The following VCF1 variants were observed in gnomAD, a reference collection of about 807,000 sequenced individuals.
VCF1 encodes protein VCF1.
At chr17:73,217,536 G>C in the VCF1 span, among the ~76,000 whole-genome samples, 1 of 152,068 alleles carries the variant, frequency 6.6e-6, no homozygotes, top group Non-Finnish European at 1.5e-5. Context: ...TGCAGTCCCA[G>C]CTACTCGGGA....
the VCF1 span, among the ~76,000 whole-genome samples, chr17:73,222,487 C>T: frequency 6.6e-6 from 1 of 151,836 alleles, no homozygotes; most frequent in African/African-American, 2.4e-5. Context: ...TGACTCAAAA[C>T]AAAACTAGGG....
chr17:73,212,407 G>A, the VCF1 span, among the ~76,000 whole-genome samples: 3,863 of 152,162 alleles, frequency 0.025, 179 homozygotes, highest in African/African-American at 0.088. Flanking sequence ...ACAGGTAGCA[G>A]GGGACAACCC....
At chr17:73,218,712 C>T in the VCF1 span, among the ~76,000 whole-genome samples, 2 of 151,894 alleles carry the variant, frequency 1.3e-5, no homozygotes, top group Non-Finnish European at 2.9e-5. Flanking sequence ...TGGAGAAACC[C>T]CGTCTCTACT....
the VCF1 span, among the ~76,000 whole-genome samples, chr17:73,228,075 A>G: frequency 6.6e-6 from 1 of 152,256 alleles, no homozygotes; most frequent in African/African-American, 2.4e-5. Flanking sequence ...ACTAAAATTA[A>G]CCATCCAGTT....
At chr17:73,221,354 G>A in the VCF1 span, among the ~76,000 whole-genome samples, 1 of 151,364 alleles carries the variant, frequency 6.6e-6, no homozygotes, top group Non-Finnish European at 1.5e-5. Context: ...TATTAAAACT[G>A]AAAGTAAAGA....
chr17:73,208,689 A>C, the VCF1 span: 1 of 558,434 alleles, frequency 1.8e-6, no homozygotes, highest in Non-Finnish European at 3.2e-6. Flanking sequence ...AGCGTTCAAC[A>C]ACACCTTAAT....
At chr17:73,208,132 C>G in the VCF1 span, 94 of 1,484,854 alleles carry the variant, frequency 6.3e-5, no homozygotes, top group Non-Finnish European at 7.7e-5. Flanking sequence ...GTCACAAAGG[C>G]TCATGCTGTT....
the VCF1 span, among the ~76,000 whole-genome samples, chr17:73,221,173 A>C: frequency 2.6e-5 from 3 of 114,564 alleles, no homozygotes; most frequent in Admixed American, 1.0e-4. Context: ...CTGGGATTGC[A>C]GGCATGAGCC....
At chr17:73,226,446 GAGGCT>G in the VCF1 span, among the ~76,000 whole-genome samples, 1 of 152,226 alleles carries the variant, frequency 6.6e-6, no homozygotes, top group African/African-American at 2.4e-5. Context: ...TGTGAGTTAT[GAGGCT>G]AGGGCTCTTT....
At chr17:73,209,781 A>G in the VCF1 span, 1 of 1,539,018 alleles carries the variant, frequency 6.5e-7, no homozygotes, top group Non-Finnish European at 8.7e-7. Flanking sequence ...GGAAGGAAGA[A>G]GAAAGAAACA....
chr17:73,230,287 C>T, the VCF1 span, among the ~76,000 whole-genome samples: 1 of 152,076 alleles, frequency 6.6e-6, no homozygotes, highest in Non-Finnish European at 1.5e-5. Flanking sequence ...CAGAGTGAGA[C>T]TCTGTCAATC....
At chr17:73,209,605 A>C in the VCF1 span, 1 of 1,579,276 alleles carries the variant, frequency 6.3e-7, no homozygotes. Flanking sequence ...GTGGAAGTAG[A>C]GGCCTTGGCA....
chr17:73,211,517 G>A, the VCF1 span, among the ~76,000 whole-genome samples: 4 of 150,414 alleles, frequency 2.7e-5, no homozygotes, highest in Admixed American at 6.6e-5. Context: ...GCAGTGAGCC[G>A]AGATCGCGCC....
the VCF1 span, among the ~76,000 whole-genome samples, chr17:73,213,736 G>C: frequency 1.3e-5 from 2 of 152,210 alleles, no homozygotes; most frequent in African/African-American, 4.8e-5. Context: ...TTGGGAGGCT[G>C]AGGCAGGCAG....
the VCF1 span, chr17:73,208,753 C>T: frequency 2.3e-6 from 1 of 432,900 alleles, no homozygotes; most frequent in Non-Finnish European, 4.3e-6. Flanking sequence ...TGCTGACTGA[C>T]CAAGTTTGTA....
the VCF1 span, among the ~76,000 whole-genome samples, chr17:73,221,608 G>A: frequency 6.6e-6 from 1 of 152,104 alleles, no homozygotes; most frequent in Admixed American, 6.6e-5. Flanking sequence ...AAAAAATTAG[G>A]CTGGGCATGG....
the VCF1 span, among the ~76,000 whole-genome samples, chr17:73,221,801 C>T: frequency 2.0e-5 from 3 of 151,756 alleles, no homozygotes; most frequent in African/African-American, 4.8e-5. Context: ...TTTGGGAGGC[C>T]GAGGCGGGCG....
chr17:73,212,817 A>T, the VCF1 span: 11 of 1,103,412 alleles, frequency 1.0e-5, no homozygotes, highest in South Asian at 1.5e-4. Context: ...ATTTCGTACT[A>T]TAATAGCACA....
At chr17:73,211,768 G>C in the VCF1 span, among the ~76,000 whole-genome samples, 1 of 152,086 alleles carries the variant, frequency 6.6e-6, no homozygotes, top group Admixed American at 6.6e-5. Flanking sequence ...GCTGAGGCAA[G>C]AGAATCGCTT....
Sources: gnomAD v4.1 joint callset for allele counts (sites outside exome capture counted in the v4.1 genomes callset) on GRCh38, gnomAD v4.1.1 for gene constraint, MANE v1.5 for transcripts, NCBI Gene and HGNC (gene_info 2026-07-23, HGNC 2026-07-21) for gene names.